Variants in SMR3A observed in about 807,000 individuals in gnomAD.
SMR3A encodes the protein submaxillary gland androgen-regulated protein 3A.
For missense variants in SMR3A, 188 were observed against 163.0 expected (o/e 1.15, Z -0.84); for synonymous variants, 48 against 57.4 (o/e 0.84, Z 0.74).
chr4:70,366,448 A>T (rs1282934485), intron 2 of SMR3A, among the ~76,000 whole-genome samples, 196 bp from the exon 3 acceptor site: 1 of 151,990 alleles, frequency 6.6e-6, no homozygotes, highest in Non-Finnish European at 1.5e-5. Context: ...CTGCAGCTTC[A>T]AATCTCTCTG....
At chr4:70,366,226 A>T (rs1270806624) in intron 2 of SMR3A, among the ~76,000 whole-genome samples, 1 of 148,856 alleles carries the variant, frequency 6.7e-6, no homozygotes, top group Non-Finnish European at 1.5e-5. Flanking sequence ...CCATTGCTGT[A>T]TTTTTTTTTT....
rs775094845 is a variant in SMR3A, at chr4:70,366,676, A to C, written c.87A>C (p.Pro29=). ...PGESQRGPRG[P]YPPGPLAPPP... is the part of the protein sequence containing the mutation. ...AGAGTCAAAGAGGCCCCAGGGGACC[A>C]TATCCACCTGGACCACTGGCTCCTC... Residue 29 remains proline, a synonymous_variant, in exon 3 of 3, where the codon CCA becomes CCC. Coordinates refer to ENST00000226460, the MANE Select transcript of SMR3A (RefSeq NM_012390.4). 4 of 1,612,414 alleles carry C rather than the reference A, an allele frequency of 2.5e-6. No homozygotes were observed. The South Asian group carries it at 4.4e-5, about 18-fold the overall frequency.
At chr4:70,365,316 A>G (rs889624768) in intron 2 of SMR3A, among the ~76,000 whole-genome samples, 16 of 151,966 alleles carry the variant, frequency 1.1e-4, no homozygotes, top group African/African-American at 3.6e-4. Flanking sequence ...GCCTAAAGCT[A>G]TCTACCTACC....
intron 2 of SMR3A, among the ~76,000 whole-genome samples, chr4:70,363,945 T>G (rs1383432): frequency 0.32 from 49,064 of 151,862 alleles, 8,044 homozygotes; most frequent in South Asian, 0.41. Context: ...GCATAACAAC[T>G]TGAACCATCA....
Position 70,361,774 on chromosome 4 carries a change from C to T in SMR3A, c.-14-328C>T, listed in dbSNP as rs1317264144. Among the ~76,000 whole-genome samples the T allele has an allele frequency of 2.6e-5, 4 of 151,800 alleles. No individual in the cohort carries two copies. The Admixed American group carries it at 2.6e-4, about 10-fold the overall frequency. Reference sequence around the variant, plus strand: ...AAGTATTCAAATGTAAATAATTGTACATGTCAAAGTAGTTACCTCTAAAGG... The same window carrying T: ...AAGTATTCAAATGTAAATAATTGTATATGTCAAAGTAGTTACCTCTAAAGG... On this transcript the variant is annotated intron_variant, in intron 1 of 2. Transcript: ENST00000226460.
intron 2 of SMR3A, among the ~76,000 whole-genome samples, chr4:70,364,230 A>G (rs894193005): frequency 1.3e-5 from 2 of 152,042 alleles, no homozygotes; most frequent in African/African-American, 4.8e-5. Flanking sequence ...ATCAATTTAT[A>G]TTTATTTCCC....
Position 70,366,844 on chromosome 4 carries a change from T to C in SMR3A, c.255T>C (p.Gly85=), listed in dbSNP as rs764336381. The C allele has an allele frequency of 9.3e-6, 15 of 1,613,484 alleles. No individual in the cohort carries two copies. Among genetic ancestry groups the C allele is most frequent in the East Asian group, 2.2e-5 (1 of 44,804 alleles). The part of the protein sequence containing the change: ...RIPPSPPPPY[G]PGRIQSHSLP... The stretch of plus-strand genomic sequence containing the variant: ...CACCATCCCCTCCTCCACCCTATGG[T>C]CCAGGGAGAATTCAATCACACTCTC... The change falls in exon 3 of 3, where the codon GGT becomes GGC. Residue 85 remains glycine, a synonymous_variant. Coordinates refer to ENST00000226460, the MANE Select transcript of SMR3A (RefSeq NM_012390.4).
chr4:70,365,714 C>A (rs566051171), intron 2 of SMR3A, among the ~76,000 whole-genome samples: 5 of 152,144 alleles, frequency 3.3e-5, no homozygotes, highest in African/African-American at 7.2e-5. Flanking sequence ...GTACCCCTGG[C>A]AAACTGCCAG....
chr4:70,364,093 A>T (rs1351391511), intron 2 of SMR3A, among the ~76,000 whole-genome samples: 2 of 152,050 alleles, frequency 1.3e-5, no homozygotes. Flanking sequence ...ATGGGAAGTG[A>T]GAAGTGGGGT....
rs1226531148 is a variant in SMR3A at position 70,366,934 on chromosome 4, A to G, written c.345A>G (p.Gly115=). The change falls in exon 3 of 3, where the codon GGA becomes GGG. Residue 115 remains glycine, a synonymous_variant. Transcript: ENST00000226460. ...PPSQPRPYPP[G]PPFFPVNSPT... ...CCCAACCAAGACCCTATCCACCTGGACCTCCATTTTTCCCTGTAAATTCTC... is the reference window on the plus strand; with the variant it reads ...CCCAACCAAGACCCTATCCACCTGGGCCTCCATTTTTCCCTGTAAATTCTC... The G allele has an allele frequency of 3.1e-6, 5 of 1,613,264 alleles. No homozygotes were observed. The highest frequency in any genetic ancestry group is 4.2e-6 in the Non-Finnish European group (5 of 1,179,706).
chr4:70,365,652 T>C (rs1732243959), intron 2 of SMR3A, among the ~76,000 whole-genome samples: 1 of 151,814 alleles, frequency 6.6e-6, no homozygotes, highest in Non-Finnish European at 1.5e-5. Flanking sequence ...ATCACATTTA[T>C]CCCCCCCTGT....
At chr4:70,365,221 T>C (rs911749558) in intron 2 of SMR3A, among the ~76,000 whole-genome samples, 3 of 152,020 alleles carry the variant, frequency 2.0e-5, no homozygotes, top group Admixed American at 6.6e-5. Context: ...AATGTATTTG[T>C]TCCTTGCACT....
At chr4:70,362,247 G>A in intron 2 of SMR3A, 78 bp downstream of exon 2, 5 of 1,600,166 alleles carry the variant, frequency 3.1e-6, no homozygotes, top group Non-Finnish European at 4.3e-6. Context: ...TTACATTAAT[G>A]ATGTTACCTT....
chr4:70,366,120 TA>T (rs1355622803), intron 2 of SMR3A, among the ~76,000 whole-genome samples: 7 of 152,050 alleles, frequency 4.6e-5, no homozygotes, highest in Non-Finnish European at 7.4e-5. Flanking sequence ...TAGTAGCCTT[TA>T]AAAACTCATT....
Position 70,366,885 on chromosome 4 carries a change from G to A in SMR3A, c.296G>A (p.Gly99Asp). ...IQSHSLPPPY[G>D]PGYPQPPSQP... Reference sequence around the variant, plus strand: ...TCACACTCTCTTCCTCCTCCTTATGGCCCAGGTTATCCACAGCCACCTTCC... The same window carrying A: ...TCACACTCTCTTCCTCCTCCTTATGACCCAGGTTATCCACAGCCACCTTCC... The change falls in exon 3 of 3, where the codon GGC (glycine) becomes GAC (aspartate). Residue 99 changes from glycine to aspartate, a missense_variant. Gly to Asp is a moderately conservative substitution (Grantham distance 94). Coordinates refer to ENST00000226460, the MANE Select transcript of SMR3A (RefSeq NM_012390.4). The A allele has an allele frequency of 1.9e-6, 3 of 1,613,020 alleles. No individual in the cohort carries two copies. Among genetic ancestry groups the A allele is most frequent in the South Asian group, 1.1e-5 (1 of 91,016 alleles).
intron 1 of SMR3A, 55 bp from the exon 2 acceptor site, chr4:70,362,047 T>C (rs1218461545): frequency 1.2e-6 from 2 of 1,606,866 alleles, no homozygotes; most frequent in Non-Finnish European, 1.7e-6. Context: ...ACATTTTAAA[T>C]AGTACTTTTT....
chr4:70,363,334 G>T (rs3775735), intron 2 of SMR3A, among the ~76,000 whole-genome samples: 82,272 of 151,618 alleles, frequency 0.54, 23,313 homozygotes, highest in East Asian at 0.63. Flanking sequence ...AATGTGAAGG[G>T]TAGCATGTCC....
chr4:70,366,711 C>A lies in SMR3A; in HGVS notation c.122C>A (p.Pro41Gln). 6.2e-7 allele frequency: 1 copy of A among 1,613,254 alleles called. No individual in the cohort carries two copies. Among genetic ancestry groups the A allele is most frequent in the East Asian group, 2.2e-5 (1 of 44,800 alleles). ...GGACCACTGGCTCCTCCTCCTCCACCATGTTTTCCTTTTGGAACAGGATTT... is the reference window on the plus strand; with the variant it reads ...GGACCACTGGCTCCTCCTCCTCCACAATGTTTTCCTTTTGGAACAGGATTT... ...PPGPLAPPPP[P>Q]CFPFGTGFVP... The change falls in exon 3 of 3, where the codon CCA becomes CAA. Residue 41 changes from proline to glutamine, a missense_variant. By Grantham distance (76) the Pro-to-Gln change is moderately conservative. Coordinates refer to ENST00000226460, the MANE Select transcript of SMR3A (RefSeq NM_012390.4).
chr4:70,362,819 T>G (rs1257443324), intron 2 of SMR3A, among the ~76,000 whole-genome samples: 1 of 151,778 alleles, frequency 6.6e-6, no homozygotes, highest in Non-Finnish European at 1.5e-5. Context: ...AATTCCAGAG[T>G]AACTTCTCCC....
Sources: gnomAD v4.1 joint callset for allele counts (sites outside exome capture counted in the v4.1 genomes callset) on GRCh38, gnomAD v4.1.1 for gene constraint, MANE v1.5 for transcripts, NCBI Gene and HGNC (gene_info 2026-07-23, HGNC 2026-07-21) for gene names.